TTBK2: variants seen among roughly 807,000 people sequenced by gnomAD.
TTBK2 encodes tau-tubulin kinase 2.
TTBK2 carries 28 observed loss-of-function variants against 110.8 expected under a neutral mutation model. The observed-to-expected ratio is 0.25, with a 90% CI of 0.19 to 0.35. The LOEUF (loss-of-function observed/expected upper bound fraction) is 0.35. Among genes scored for constraint, TTBK2 ranks in the 10% least tolerant of loss-of-function variants. TTBK2 has a pLI of 1.00. For synonymous variants in TTBK2, 532 were observed against 527.3 expected (o/e 1.01, Z -0.12); for missense variants, 1,369 against 1,500.3 (o/e 0.91, Z 1.45).
intron 10 of TTBK2, among the ~76,000 whole-genome samples, chr15:42,789,611 G>A (rs1197798687): frequency 6.6e-6 from 1 of 152,056 alleles, no homozygotes; most frequent in Non-Finnish European, 1.5e-5. Context: ...ACGCAGGCCT[G>A]TAATCCCAGC....
chr15:42,816,828 A>C (rs1307985084), intron 7 of TTBK2, among the ~76,000 whole-genome samples: 1 of 151,992 alleles, frequency 6.6e-6, no homozygotes, highest in East Asian at 1.9e-4. Flanking sequence ...CTGAGGCAGG[A>C]GAATCACTTG....
intron 10 of TTBK2, among the ~76,000 whole-genome samples, chr15:42,786,334 G>A (rs1400584451): frequency 6.6e-6 from 1 of 152,070 alleles, no homozygotes; most frequent in Non-Finnish European, 1.5e-5. Context: ...TTTATTTATT[G>A]ATAAAAGAGT....
intron 9 of TTBK2, among the ~76,000 whole-genome samples, chr15:42,806,198 A>G (rs986626977): frequency 6.6e-6 from 1 of 152,086 alleles, no homozygotes; most frequent in Non-Finnish European, 1.5e-5. Flanking sequence ...CAGGAGGCAG[A>G]GGTTGCAGTG....
intron 14 of TTBK2, 39 bp downstream of exon 14, chr15:42,751,935 G>A (rs1254914075): frequency 6.2e-7 from 1 of 1,608,992 alleles, no homozygotes; most frequent in Non-Finnish European, 8.5e-7. Flanking sequence ...TATAGAAATG[G>A]TGTTACACAC....
chr15:42,889,088 C>G (rs1186662805), intron 1 of TTBK2, among the ~76,000 whole-genome samples: 6 of 152,178 alleles, frequency 3.9e-5, no homozygotes, highest in Admixed American at 3.9e-4. Flanking sequence ...CTTAGAACCT[C>G]TCATTTCCTT....
chr15:42,829,867 A>C, intron 5 of TTBK2, 71 bp downstream of exon 5: 4 of 1,578,082 alleles, frequency 2.5e-6, no homozygotes, highest in Non-Finnish European at 3.5e-6. Context: ...TACATTTGTA[A>C]TTTATTGTGT....
rs375725326 is a variant in TTBK2 at position 42,801,268 on chromosome 15, C to T, written c.823-6467G>A. ...TAGGTGGCGATCTTGATATCCAGGG[C>T]CAGCTTGACGTTCATCAGCTCCTGG... On this transcript the variant is annotated intron_variant, in intron 9 of 14. Coordinates refer to ENST00000267890, the MANE Select transcript of TTBK2 (RefSeq NM_173500.4). 13 of 1,544,142 alleles carry T rather than the reference C, an allele frequency of 8.4e-6. 1 individual carries two copies. Among genetic ancestry groups the T allele is most frequent in the East Asian group, 2.2e-5 (1 of 44,806 alleles).
rs752502755 is a variant in TTBK2, at chr15:42,746,151, G to A, written c.3379C>T (p.Gln1127Ter). 6.2e-7 allele frequency: 1 copy of A among 1,614,186 alleles called. No homozygotes were observed. The highest frequency in any genetic ancestry group is 8.5e-7 in the Non-Finnish European group (1 of 1,180,032). ...NGSQKPRSTT[Q>*]CKSPGSPHNP... Reference sequence around the variant, plus strand: ...TGAGGAGATCCTGGACTCTTGCACTGAGTAGTGCTCCGGGGTTTCTGAGAT... The same window carrying A: ...TGAGGAGATCCTGGACTCTTGCACTAAGTAGTGCTCCGGGGTTTCTGAGAT... Residue 1127 changes from glutamine to a stop codon, truncating the protein, a stop_gained, in exon 15 of 15, where the codon CAG becomes TAG. Transcript: ENST00000267890. LOFTEE classifies it high-confidence loss of function.
At chr15:42,754,911 G>A (rs2061924945) in intron 13 of TTBK2, among the ~76,000 whole-genome samples, 2 of 150,342 alleles carry the variant, frequency 1.3e-5, no homozygotes, top group African/African-American at 2.4e-5. Flanking sequence ...AGGAGGCTGA[G>A]GCAGGAGAAT....
intron 3 of TTBK2, among the ~76,000 whole-genome samples, chr15:42,842,596 A>T (rs1018639727): frequency 6.6e-6 from 1 of 151,982 alleles, no homozygotes; most frequent in Non-Finnish European, 1.5e-5. Context: ...TACAATTAAG[A>T]CTCAGCAAAG....
chr15:42,788,880 T>G (rs1452447645), intron 10 of TTBK2, among the ~76,000 whole-genome samples: 3 of 152,206 alleles, frequency 2.0e-5, no homozygotes, highest in African/African-American at 7.2e-5. Flanking sequence ...GTGTTTGGTC[T>G]TAAGTCTGCT....
chr15:42,874,526 A>T (rs1284352896), intron 2 of TTBK2, among the ~76,000 whole-genome samples: 1 of 151,576 alleles, frequency 6.6e-6, no homozygotes, highest in Non-Finnish European at 1.5e-5. Flanking sequence ...CATGTTGGCC[A>T]GGCTGGTCTC....
In TTBK2 at chr15:42,752,517, G is replaced by T; in HGVS notation, c.2729C>A (p.Thr910Asn). The change falls in exon 14 of 15, where the codon ACC becomes AAC. Residue 910 changes from threonine (T) to asparagine (N), a missense_variant. Thr to Asn is a moderately conservative substitution (Grantham distance 65). This residue lies in a region of TTBK2 where 1,097 missense variants were observed against 1,114.7 expected (regional missense o/e 0.98). Coordinates refer to ENST00000267890, the MANE Select transcript of TTBK2 (RefSeq NM_173500.4). Reference sequence around the variant, plus strand: ...ATGAAATAGTTCTCCATTTCTAGGGGTGATTTTCTCTCTCTTGCCCTCTTG... The same window carrying T: ...ATGAAATAGTTCTCCATTTCTAGGGTTGATTTTCTCTCTCTTGCCCTCTTG... The part of the protein sequence containing the change: ...LHQEGKREKI[T>N]PRNGELFHCV... 1 of 1,614,142 alleles carries T rather than the reference G, an allele frequency of 6.2e-7. No homozygotes were observed. Among genetic ancestry groups the T allele is most frequent in the South Asian group, 1.1e-5 (1 of 91,080 alleles).
At chr15:42,870,788 G>A (rs1218214944) in intron 3 of TTBK2, among the ~76,000 whole-genome samples, 1 of 150,960 alleles carries the variant, frequency 6.6e-6, no homozygotes, top group East Asian at 1.9e-4. Flanking sequence ...TTGAACCCCA[G>A]AGGTGGAGGC....
At chr15:42,828,140 CAT>C in intron 5 of TTBK2, 108 bp from the exon 6 acceptor site, 1 of 823,576 alleles carries the variant, frequency 1.2e-6, no homozygotes, top group Non-Finnish European at 2.0e-6. Flanking sequence ...ATATAACACA[CAT>C]GTTCCAAATA....
At chr15:42,830,739 C>T (rs1378656622) in intron 4 of TTBK2, among the ~76,000 whole-genome samples, 1 of 151,826 alleles carries the variant, frequency 6.6e-6, no homozygotes, top group Admixed American at 6.6e-5. Flanking sequence ...GGAGCAGTGG[C>T]TCACGCCTGT....
At chr15:42,785,567 T>C (rs1448425766) in intron 10 of TTBK2, among the ~76,000 whole-genome samples, 1 of 152,080 alleles carries the variant, frequency 6.6e-6, no homozygotes, top group Non-Finnish European at 1.5e-5. Context: ...GGGGAAAAAA[T>C]AGCAAATATT....
intron 7 of TTBK2, among the ~76,000 whole-genome samples, chr15:42,814,956 A>T (rs1306068754): frequency 1.3e-5 from 2 of 152,226 alleles, no homozygotes; most frequent in Admixed American, 6.5e-5. Context: ...AGAAATTGCC[A>T]CTGTCTAAAT....
At chr15:42,769,036 G>T (rs1889530394) in intron 13 of TTBK2, among the ~76,000 whole-genome samples, 1 of 152,184 alleles carries the variant, frequency 6.6e-6, no homozygotes, top group Non-Finnish European at 1.5e-5. Flanking sequence ...AATAAATGGT[G>T]CTGGGAAAAC....
Sources: gnomAD v4.1 joint callset for allele counts (sites outside exome capture counted in the v4.1 genomes callset) on GRCh38, gnomAD v4.1.1 for gene constraint, gnomAD v4.1.1 regional missense constraint, MANE v1.5 for transcripts, NCBI Gene and HGNC (gene_info 2026-07-23, HGNC 2026-07-21) for gene names.